Variants in PCBP3 observed in about 807,000 individuals in gnomAD.
PCBP3 encodes the protein poly(rC)-binding protein 3.
A neutral mutation model predicts 52.7 loss-of-function variants in PCBP3; 25 were observed. The ratio of observed to expected loss-of-function variants is 0.47; its 90% CI spans 0.35 to 0.66. The LOEUF (loss-of-function observed/expected upper bound fraction) is 0.66, where lower values mean the gene tolerates loss of function less well. Ranked by LOEUF, PCBP3 falls within the 30% of genes least tolerant of loss-of-function variation. The pLI, the probability that PCBP3 is intolerant of heterozygous loss-of-function variation, is 0.01. For synonymous variants in PCBP3, 162 were observed against 183.0 expected (o/e 0.89, Z 0.93); for missense variants, 391 against 490.3 (o/e 0.80, Z 1.91).
intron 1 of PCBP3, among the ~76,000 whole-genome samples, chr21:45,644,404 CTT>C (rs1197347695): frequency 8.6e-5 from 13 of 151,834 alleles, no homozygotes; most frequent in Admixed American, 5.9e-4. Flanking sequence ...GCAGGTCTCT[CTT>C]GTTGCTCGCT....
At chr21:45,738,486 C>A (rs2086065762) in intron 3 of PCBP3, among the ~76,000 whole-genome samples, 1 of 152,148 alleles carries the variant, frequency 6.6e-6, no homozygotes, top group South Asian at 2.1e-4. Flanking sequence ...GATCTCCTGA[C>A]CTCGTGATCC....
chr21:45,783,981 TAA>T (rs1319929291), intron 4 of PCBP3, among the ~76,000 whole-genome samples: 1 of 152,200 alleles, frequency 6.6e-6, no homozygotes, highest in Non-Finnish European at 1.5e-5. Context: ...TTTATAGTTT[TAA>T]AACAGTAAAA....
chr21:45,820,038 G>A (rs528038624), intron 4 of PCBP3, among the ~76,000 whole-genome samples: 5 of 152,358 alleles, frequency 3.3e-5, no homozygotes, highest in South Asian at 4.1e-4. Context: ...GCTCTACACC[G>A]CAGGACTGTT....
intron 5 of PCBP3, among the ~76,000 whole-genome samples, chr21:45,891,651 G>A (rs2095665860): frequency 6.6e-6 from 1 of 152,142 alleles, no homozygotes; most frequent in African/African-American, 2.4e-5. Flanking sequence ...ACACCCCAGG[G>A]GTATACACGG....
chr21:45,698,250 C>G (rs1031642982), intron 2 of PCBP3, among the ~76,000 whole-genome samples: 2 of 152,188 alleles, frequency 1.3e-5, no homozygotes, highest in Admixed American at 1.3e-4. Context: ...GTGCCCACCT[C>G]TCTGACACTC....
intron 16 of PCBP3, among the ~76,000 whole-genome samples, chr21:45,938,875 C>CA (rs1338600814): frequency 1.3e-5 from 2 of 152,200 alleles, no homozygotes; most frequent in Non-Finnish European, 2.9e-5. Flanking sequence ...GGCTGGCTGG[C>CA]AGGGCACCTG....
intron 6 of PCBP3, among the ~76,000 whole-genome samples, chr21:45,896,984 AGGCG>A (rs2095850715): frequency 6.6e-6 from 1 of 151,292 alleles, no homozygotes; most frequent in Non-Finnish European, 1.5e-5. Context: ...TCTGTAGGAA[AGGCG>A]GACATGGCAC....
At chr21:45,767,609 C>T (rs899212942) in intron 4 of PCBP3, among the ~76,000 whole-genome samples, 7 of 152,238 alleles carry the variant, frequency 4.6e-5, no homozygotes, top group African/African-American at 1.4e-4. Flanking sequence ...CCGTTTTCCA[C>T]AGCAGCCGCA....
rs2096162046 is a variant in PCBP3, at chr21:45,904,922, A to G, written c.339+3809A>G. On this transcript the variant is annotated intron_variant, in intron 9 of 17. Transcript: ENST00000681687. This position sits in a 1 kb window ranked among gnomAD's most constrained non-coding sequence, Gnocchi z 4.8. ...GGAGATATTCATCCAGTCTTTGTAAAGCTTTCCCACCAGTGTTGACTGGAG... is the reference window on the plus strand; with the variant it reads ...GGAGATATTCATCCAGTCTTTGTAAGGCTTTCCCACCAGTGTTGACTGGAG... Among the ~76,000 whole-genome samples, 1 of 152,156 alleles carries G rather than the reference A, an allele frequency of 6.6e-6. No individual in the cohort carries two copies. The highest frequency in any genetic ancestry group is 2.1e-4 in the South Asian group (1 of 4,814).
At position 45,748,366 on chromosome 21, in the gene PCBP3, A is replaced by G. The variant is rs60918845; in HGVS notation, c.-161-7051A>G. On this transcript the variant is annotated intron_variant, in intron 3 of 17. Transcript: ENST00000681687. Reference sequence around the variant, plus strand: ...CCTTTGCGCCATAGGCCCTGTGTGAATGGTGTCACAGAGGCCACCCTGTCT... The same window carrying G: ...CCTTTGCGCCATAGGCCCTGTGTGAGTGGTGTCACAGAGGCCACCCTGTCT... Among the ~76,000 whole-genome samples, 749 of 152,260 alleles carry G rather than the reference A, an allele frequency of 4.9e-3. 7 individuals are homozygous for G. Among genetic ancestry groups the G allele is most frequent in the African/African-American group, 0.017 (687 of 41,540 alleles).
intron 5 of PCBP3, among the ~76,000 whole-genome samples, chr21:45,884,558 G>C (rs2095475478): frequency 6.6e-6 from 1 of 151,874 alleles, no homozygotes; most frequent in South Asian, 2.1e-4. Flanking sequence ...TATGTCACGT[G>C]TGTGTGCATG....
intron 2 of PCBP3, among the ~76,000 whole-genome samples, chr21:45,717,029 C>T (rs1162903611): frequency 6.6e-6 from 1 of 151,760 alleles, no homozygotes; most frequent in East Asian, 1.9e-4. Flanking sequence ...AATTCCTTTC[C>T]CTTTCTTGTA....
intron 17 of PCBP3, among the ~76,000 whole-genome samples, chr21:45,940,955 G>A (rs1034693592): frequency 2.0e-5 from 3 of 152,232 alleles, no homozygotes; most frequent in African/African-American, 7.2e-5. Context: ...GGGAGGAGAA[G>A]GGAGGGGCCT....
At chr21:45,832,671 GA>G (rs1475818038) in intron 4 of PCBP3, 1 of 152,400 alleles carries the variant, frequency 6.6e-6, no homozygotes, top group African/African-American at 2.4e-5. Flanking sequence ...GGGAGCAAGA[GA>G]AGAAACAAAT....
chr21:45,841,529 TG>T (rs1286459749), intron 4 of PCBP3, among the ~76,000 whole-genome samples: 1 of 152,222 alleles, frequency 6.6e-6, no homozygotes, highest in Non-Finnish European at 1.5e-5. Context: ...TCTAAAATGA[TG>T]GTTATTTTCT....
At chr21:45,888,907 G>T (rs576617814) in intron 5 of PCBP3, among the ~76,000 whole-genome samples, 1 of 151,932 alleles carries the variant, frequency 6.6e-6, no homozygotes, top group East Asian at 1.9e-4. Flanking sequence ...GTATCTACAT[G>T]GAATGATTGT....
In PCBP3 at chr21:45,737,443, T is replaced by C. The variant is rs915349669; in HGVS notation, c.-162+2014T>C. On this transcript the variant is annotated intron_variant, in intron 3 of 17. Transcript: ENST00000681687. The surrounding 1 kb of genome is among the most constrained non-coding windows in gnomAD (Gnocchi z 4.9). ...ACTCAGACAGATAAACAACACCTGT[T>C]ATGTGCTGTTCCCATTTTCTCTTCG... is the stretch of plus-strand genomic sequence containing the variant. Among the ~76,000 whole-genome samples, 5 of 152,234 alleles carry C rather than the reference T, an allele frequency of 3.3e-5. No homozygotes were observed. Among genetic ancestry groups the C allele is most frequent in the Non-Finnish European group, 7.3e-5 (5 of 68,040 alleles).
intron 2 of PCBP3, among the ~76,000 whole-genome samples, chr21:45,683,316 A>G (rs1341968179): frequency 1.3e-5 from 2 of 152,190 alleles, no homozygotes; most frequent in Non-Finnish European, 2.9e-5. Flanking sequence ...ATTGCAGATA[A>G]TAAATGTAGA....
At chr21:45,731,394 G>T (rs1169518204) in intron 2 of PCBP3, among the ~76,000 whole-genome samples, 1 of 152,286 alleles carries the variant, frequency 6.6e-6, no homozygotes, top group East Asian at 1.9e-4. Context: ...GGCAGCACAG[G>T]CACAGTTGTC....
Sources: gnomAD v4.1 joint callset for allele counts (sites outside exome capture counted in the v4.1 genomes callset) on GRCh38, gnomAD v4.1.1 for gene constraint, Gnocchi (gnomAD v3.1) non-coding constraint, MANE v1.5 for transcripts, NCBI Gene and HGNC (gene_info 2026-07-23, HGNC 2026-07-21) for gene names.